Variants in UNC79 observed in about 807,000 individuals in gnomAD.
UNC79 encodes the protein protein unc-79 homolog.
In UNC79, 37 loss-of-function variants were observed where a neutral mutation model predicts 283.1. The observed-to-expected ratio is 0.13, with a 90% CI of 0.10 to 0.17. The LOEUF is 0.17. UNC79 is among the 10% of genes least tolerant of loss of function. The probability of loss-of-function intolerance (pLI) is 1.00; values close to 1 mark genes in which losing one functional copy is unlikely to be tolerated. For synonymous variants in UNC79, 1,107 were observed against 1,200.2 expected (o/e 0.92, Z 1.61); for missense variants, 2,272 against 3,211.1 (o/e 0.71, Z 7.07).
rs1211515634 is a variant in UNC79 at position 93,621,704 on chromosome 14, A to G, written c.4471A>G (p.Lys1491Glu). 8 of 1,612,752 alleles carry G rather than the reference A, an allele frequency of 5.0e-6. No individual in the cohort carries two copies. The highest frequency in any genetic ancestry group is 6.8e-6 in the Non-Finnish European group (8 of 1,179,516). ...CTGTGTGAGAGAAGAAAGCATTCCG[A>G]AAAAAAAGCTACGCTCTTTCAAACA... The change falls in exon 30 of 49, where the codon AAA becomes GAA. Residue 1491 changes from lysine to glutamate, a missense_variant. Physicochemically the swap from Lys to Glu is moderately conservative, Grantham distance 56 (BLOSUM62 1). Coordinates refer to ENST00000555664, the Ensembl canonical transcript of UNC79. This position sits in a 1 kb window ranked among gnomAD's most constrained non-coding sequence, Gnocchi z 4.8.
At chr14:93,371,839 CAAA>C (rs34540610) in intron 1 of UNC79, among the ~76,000 whole-genome samples, 2 of 140,742 alleles carry the variant, frequency 1.4e-5, no homozygotes, top group African/African-American at 5.2e-5. Context: ...GACTCCGTCT[CAAA>C]AAAAAAAACC....
chr14:93,523,579 A>G (rs1595742171), intron 7 of UNC79, among the ~76,000 whole-genome samples: 1 of 152,230 alleles, frequency 6.6e-6, no homozygotes, highest in African/African-American at 2.4e-5. Context: ...AGCTTATCAT[A>G]TACTAACTCT....
chr14:93,364,712 A>G (rs914560520), intron 1 of UNC79, among the ~76,000 whole-genome samples: 1 of 151,536 alleles, frequency 6.6e-6, no homozygotes, highest in African/African-American at 2.4e-5. Context: ...GATATAATTT[A>G]CATATCATTC....
intron 1 of UNC79, among the ~76,000 whole-genome samples, chr14:93,411,111 A>G (rs752569473): frequency 3.3e-5 from 5 of 152,090 alleles, no homozygotes; most frequent in Non-Finnish European, 5.9e-5. Flanking sequence ...GCTAGGCAGC[A>G]TTCACCACAA....
chr14:93,420,283 G>T (rs2055567500), intron 1 of UNC79, among the ~76,000 whole-genome samples: 1 of 151,240 alleles, frequency 6.6e-6, no homozygotes, highest in Non-Finnish European at 1.5e-5. Flanking sequence ...AATACTCCAT[G>T]CCAATGGAAA....
chr14:93,545,493 T>A (rs900583769), intron 14 of UNC79, among the ~76,000 whole-genome samples: 2 of 152,206 alleles, frequency 1.3e-5, no homozygotes, highest in Non-Finnish European at 2.9e-5. Flanking sequence ...GGTGAATTCC[T>A]TTCTCCTTGA....
chr14:93,477,654 T>C, exon 4 of UNC79: 1 of 1,613,554 alleles, frequency 6.2e-7, no homozygotes, highest in East Asian at 2.2e-5. Flanking sequence ...ATATCAACGT[T>C]GGCTACCTTT....
chr14:93,600,872 A>T (rs1477114522), intron 25 of UNC79, 102 bp downstream of exon 25: 2 of 1,325,764 alleles, frequency 1.5e-6, no homozygotes, highest in East Asian at 2.4e-5. Context: ...TCTACAGAGG[A>T]TGCCTTGACC....
At chr14:93,449,954 G>A (rs1439480589) in intron 1 of UNC79, among the ~76,000 whole-genome samples, 2 of 152,192 alleles carry the variant, frequency 1.3e-5, no homozygotes, top group African/African-American at 2.4e-5. Flanking sequence ...TTTTGAAAGT[G>A]TGTACATAAT....
At position 93,396,347 on chromosome 14, in the gene UNC79, T is replaced by C. The variant is rs1445288711; in HGVS notation, c.-351+62824T>C. Reference sequence around the variant, plus strand: ...ATACTTTCCTTTAATCCTTTAGATATGATTTAGTTCTTTGAATATATTTAA... The same window carrying C: ...ATACTTTCCTTTAATCCTTTAGATACGATTTAGTTCTTTGAATATATTTAA... On this transcript the variant is annotated intron_variant, in intron 1 of 49. Coordinates refer to the UNC79 transcript ENST00000256339. 2.0e-5 allele frequency among the ~76,000 whole-genome samples: 3 copies of C among 152,166 alleles called. No homozygotes were observed. The East Asian group carries it at 5.8e-4, about 29-fold the overall frequency.
chr14:93,548,563 C>T (rs575601136), intron 14 of UNC79, among the ~76,000 whole-genome samples: 13 of 152,288 alleles, frequency 8.5e-5, no homozygotes, highest in Admixed American at 4.6e-4. Flanking sequence ...TGCATCAGTA[C>T]ACTGTTAATA....
chr14:93,488,537 T>C (rs753076651), intron 5 of UNC79, among the ~76,000 whole-genome samples: 44 of 152,260 alleles, frequency 2.9e-4, no homozygotes, highest in Non-Finnish European at 4.9e-4. Context: ...TAATAAATAG[T>C]AATTGAACTT....
Position 93,430,767 on chromosome 14 carries a change from A to C in UNC79, c.-263A>C. On this transcript the variant is annotated 5_prime_UTR_variant, in exon 1 of 49. Transcript: ENST00000555664. The surrounding 1 kb of genome is among the most constrained non-coding windows in gnomAD (Gnocchi z 4.6). ...CGCCCACATCAACGCGGGCAGCTCC[A>C]GGAGGGGACGGACAGGAAGCCTTTG... The C allele has an allele frequency of 2.5e-6, 1 of 403,130 alleles. No individual in the cohort carries two copies. The highest frequency in any genetic ancestry group is 4.7e-6 in the Non-Finnish European group (1 of 214,940). 25.0% of individuals were successfully genotyped at this position (403,130 alleles called of 1,614,324 possible). A position where few individuals can be genotyped will look rare whatever the true frequency, so the allele number is the denominator to read the frequency against.
At chr14:93,581,524 C>T (rs1292701126) in intron 19 of UNC79, among the ~76,000 whole-genome samples, 1 of 123,826 alleles carries the variant, frequency 8.1e-6, no homozygotes, top group African/African-American at 3.1e-5. Context: ...GACAGAGTCT[C>T]ACTCTGTCGC....
intron 14 of UNC79, among the ~76,000 whole-genome samples, chr14:93,550,350 A>C (rs2061809493): frequency 6.6e-6 from 1 of 152,020 alleles, no homozygotes; most frequent in African/African-American, 2.4e-5. Context: ...CCTCGTCTCT[A>C]CTAAAAATAC....
chr14:93,489,340 A>G (rs747233539), intron 5 of UNC79, among the ~76,000 whole-genome samples: 5 of 152,218 alleles, frequency 3.3e-5, no homozygotes, highest in African/African-American at 1.2e-4. Context: ...TTCCATCCCA[A>G]TAGCCCCAAA....
intron 4 of UNC79, among the ~76,000 whole-genome samples, chr14:93,485,978 T>A (rs1434074799): frequency 6.6e-6 from 1 of 152,220 alleles, no homozygotes; most frequent in African/African-American, 2.4e-5. Context: ...TTTTTATTAG[T>A]GTTTTGATGA....
intron 1 of UNC79, among the ~76,000 whole-genome samples, chr14:93,453,416 AT>A (rs1047536950): frequency 6.6e-6 from 1 of 152,288 alleles, no homozygotes; most frequent in South Asian, 2.1e-4. Context: ...AAAACCTATG[AT>A]TTTTTAAGTA....
At chr14:93,645,334 A>G (rs1186034513) in intron 34 of UNC79, among the ~76,000 whole-genome samples, 1 of 152,228 alleles carries the variant, frequency 6.6e-6, no homozygotes, top group Admixed American at 6.5e-5. Context: ...ACATTTTTAC[A>G]TATTTACATA....
Sources: allele counts gnomAD v4.1 joint callset (sites outside exome capture counted in the v4.1 genomes callset), GRCh38; gene constraint gnomAD v4.1.1; non-coding constraint Gnocchi (gnomAD v3.1); transcripts MANE v1.5; gene names NCBI Gene and HGNC (gene_info 2026-07-23, HGNC 2026-07-21).